Variants in NEK10 observed in about 807,000 individuals in gnomAD.
The protein encoded by NEK10 is serine/threonine-protein kinase Nek10.
A neutral mutation model predicts 159.8 loss-of-function variants in NEK10; 122 were observed. The observed-to-expected ratio is 0.76, with a 90% CI of 0.66 to 0.89. The LOEUF is 0.89. NEK10 is among the 40% of genes least tolerant of loss of function. The probability of loss-of-function intolerance (pLI) is 0.00; values close to 1 mark genes in which losing one functional copy is unlikely to be tolerated. For missense variants in NEK10, 1,342 were observed against 1,323.1 expected (o/e 1.01, Z -0.22); for synonymous variants, 466 against 457.1 (o/e 1.02, Z -0.25).
intron 23 of NEK10, among the ~76,000 whole-genome samples, chr3:27,248,329 T>C (rs1194008564): frequency 2.0e-5 from 3 of 152,114 alleles, no homozygotes; most frequent in African/African-American, 7.2e-5. Flanking sequence ...ATTTTGTTGA[T>C]CTTTTGTATT....
intron 22 of NEK10, among the ~76,000 whole-genome samples, chr3:27,264,656 C>T (rs2040726926): frequency 6.6e-6 from 1 of 152,066 alleles, no homozygotes; most frequent in South Asian, 2.1e-4. Flanking sequence ...CTTTGGGAGG[C>T]CGAGGCAGGT....
At chr3:27,280,983 C>A (rs2042119644) in intron 22 of NEK10, among the ~76,000 whole-genome samples, 1 of 147,592 alleles carries the variant, frequency 6.8e-6, no homozygotes. Context: ...GATGCAGAAA[C>A]AATTCAGGAT....
chr3:27,263,390 G>A (rs536423524), intron 22 of NEK10, among the ~76,000 whole-genome samples: 6 of 152,306 alleles, frequency 3.9e-5, no homozygotes, highest in African/African-American at 1.2e-4. Flanking sequence ...GCTGCCTTTT[G>A]TTTGGCAATG....
chr3:27,257,057 A>C (rs556880580), intron 22 of NEK10, among the ~76,000 whole-genome samples: 1 of 152,056 alleles, frequency 6.6e-6, no homozygotes, highest in Admixed American at 6.6e-5. Context: ...CTGGGATTAC[A>C]GGCACGTGCC....
At chr3:27,205,185 C>G (rs555392433) in intron 23 of NEK10, among the ~76,000 whole-genome samples, 81 of 151,784 alleles carry the variant, frequency 5.3e-4, no homozygotes, top group Non-Finnish European at 8.1e-4. Context: ...GAACTACAAA[C>G]CACTGCTCAA....
rs573877305 is a variant in NEK10, at chr3:27,263,325, C to T, written c.2015-6954G>A. On this transcript the variant is annotated intron_variant, in intron 22 of 35. Coordinates refer to ENST00000691995, the MANE Select transcript of NEK10 (RefSeq NM_001394966.1). ...GATCTCCAGCTGCGTGCTGAGAGAACCACTACTCTCTTCAAAGCTGTCAGA... is the reference window on the plus strand; with the variant it reads ...GATCTCCAGCTGCGTGCTGAGAGAATCACTACTCTCTTCAAAGCTGTCAGA... Among the ~76,000 whole-genome samples the T allele has an allele frequency of 5.9e-5, 9 of 152,314 alleles. No homozygotes were observed. The East Asian group carries it at 1.5e-3, about 26-fold the overall frequency.
chr3:27,197,059 T>C (rs1284735234), intron 25 of NEK10, among the ~76,000 whole-genome samples: 1 of 152,176 alleles, frequency 6.6e-6, no homozygotes, highest in Non-Finnish European at 1.5e-5. Context: ...CATATGTTAC[T>C]TTGTGTAATC....
intron 32 of NEK10, among the ~76,000 whole-genome samples, chr3:27,120,394 G>A (rs1941129444): frequency 6.6e-6 from 1 of 151,306 alleles, no homozygotes; most frequent in South Asian, 2.1e-4. Context: ...CACAATCTCG[G>A]CTCACTGCAA....
chr3:27,264,818 C>T (rs1003981758), intron 22 of NEK10, among the ~76,000 whole-genome samples: 7 of 151,924 alleles, frequency 4.6e-5, no homozygotes, highest in South Asian at 2.1e-4. Context: ...CACTGGAACC[C>T]GGCGGGCAGA....
Position 27,352,468 on chromosome 3 carries a change from T to C in NEK10, c.129A>G (p.Gln43=), listed in dbSNP as rs772405007. The C allele has an allele frequency of 5.0e-6, 8 of 1,607,444 alleles. No homozygotes were observed. Among genetic ancestry groups the C allele is most frequent in the Middle Eastern group, 1.6e-4 (1 of 6,070 alleles). Residue 43 remains glutamine (Q), a synonymous_variant, in exon 3 of 36, where the codon CAA becomes CAG. Coordinates refer to ENST00000691995, the MANE Select transcript of NEK10 (RefSeq NM_001394966.1). ...GAACATTCTTTGAAAACGCTACCTG[T>C]TGTTTGCTTGATTGGACGTTCAAAA... is the stretch of plus-strand genomic sequence containing the variant. ...RCLLNVQSSK[Q]QLPAINFDSA...
chr3:27,278,184 CT>C (rs1335954566), intron 22 of NEK10, among the ~76,000 whole-genome samples: 3 of 152,190 alleles, frequency 2.0e-5, no homozygotes, highest in African/African-American at 7.2e-5. Flanking sequence ...CTGTTTTAGG[CT>C]GTATTTTGCC....
intron 30 of NEK10, among the ~76,000 whole-genome samples, chr3:27,149,168 C>T (rs1461318532): frequency 6.6e-6 from 1 of 151,848 alleles, no homozygotes; most frequent in Non-Finnish European, 1.5e-5. Flanking sequence ...GATTCCCTCA[C>T]TGCTTCTGAT....
chr3:27,281,950 G>A (rs1181875311), intron 22 of NEK10, among the ~76,000 whole-genome samples: 5 of 152,076 alleles, frequency 3.3e-5, no homozygotes, highest in Non-Finnish European at 7.4e-5. Flanking sequence ...TAGGTACAAA[G>A]AAAACTGGGA....
intron 8 of NEK10, chr3:27,311,393 G>A: frequency 6.1e-6 from 1 of 163,174 alleles, no homozygotes; most frequent in Non-Finnish European, 1.3e-5. Context: ...AGAGGAACCT[G>A]CACGTTTCCT....
At chr3:27,278,290 T>C (rs1399917055) in intron 22 of NEK10, among the ~76,000 whole-genome samples, 7 of 152,244 alleles carry the variant, frequency 4.6e-5, no homozygotes, top group Admixed American at 1.3e-4. Flanking sequence ...AACAGAATTA[T>C]AAGCTTCATT....
rs1470302459 is a variant in NEK10 at position 27,110,562 on chromosome 3, A to G, written c.*710T>C. Reference sequence around the variant, plus strand: ...TCTCCTTCCGCCCTCATATATAAACATATACACACACTGTACAGCAATATA... The same window carrying G: ...TCTCCTTCCGCCCTCATATATAAACGTATACACACACTGTACAGCAATATA... On this transcript the variant is annotated 3_prime_UTR_variant, in exon 36 of 36. Coordinates refer to ENST00000691995, the MANE Select transcript of NEK10 (RefSeq NM_001394966.1). 6.6e-6 allele frequency: 1 copy of G among 152,158 alleles called. No individual in the cohort carries two copies. The highest frequency in any genetic ancestry group is 1.9e-4 in the East Asian group (1 of 5,186). The allele number at this position is 152,158 out of a possible 1,614,324, so 9.4% of individuals were successfully genotyped here.
rs768264373 is a variant in NEK10 at position 27,284,920 on chromosome 3, G to A, written c.1831C>T (p.Pro611Ser). 3.1e-6 allele frequency: 5 copies of A among 1,604,992 alleles called. No individual in the cohort carries two copies. The highest frequency in any genetic ancestry group is 4.3e-6 in the Non-Finnish European group (5 of 1,172,386). The stretch of plus-strand genomic sequence containing the variant: ...AAAGAACTGAAATGCTCTCCAAGCG[G>A]GGCTCCTTCTATCAGCTCCATAACT... The part of the protein sequence containing the change: ...YIVMELIEGA[P>S]LGEHFSSLKE... Residue 611 changes from proline (P) to serine (S), a missense_variant, in exon 21 of 36, where the codon CCG becomes TCG. Transcript: ENST00000691995.
At chr3:27,286,065 A>G (rs1270605761) in intron 20 of NEK10, among the ~76,000 whole-genome samples, 2 of 142,648 alleles carry the variant, frequency 1.4e-5, no homozygotes, top group East Asian at 4.0e-4. Context: ...TGTATTTTTA[A>G]GCCATTTCCA....
intron 32 of NEK10, among the ~76,000 whole-genome samples, chr3:27,129,763 C>A (rs9857897): frequency 6.6e-6 from 1 of 151,838 alleles, no homozygotes; most frequent in Non-Finnish European, 1.5e-5. Context: ...ACACACCCAC[C>A]AACTTTGGGG....
Sources: allele counts gnomAD v4.1 joint callset (sites outside exome capture counted in the v4.1 genomes callset), GRCh38; gene constraint gnomAD v4.1.1; transcripts MANE v1.5; gene names NCBI Gene and HGNC (gene_info 2026-07-23, HGNC 2026-07-21).